The following NEK10 variants were observed in gnomAD, a reference collection of about 807,000 sequenced individuals.
NEK10 encodes NIMA related kinase 10.
In NEK10, 122 loss-of-function variants were observed where a neutral mutation model predicts 159.8. The observed-to-expected ratio is 0.76, with a 90% CI of 0.66 to 0.89. The LOEUF is 0.89. Ranked by LOEUF, NEK10 falls within the 40% of genes least tolerant of loss-of-function variation. The pLI is 0.00. For synonymous variants in NEK10, 466 were observed against 457.1 expected, an observed-to-expected ratio of 1.02 and a Z score of -0.25; for missense variants, 1,342 against 1,323.1, an observed-to-expected ratio of 1.01 and a Z score of -0.22.
intron 22 of NEK10, among the ~76,000 whole-genome samples, chr3:27,274,516 T>TTGTTTCTG (rs2041618307): frequency 6.6e-6 from 1 of 152,128 alleles, no homozygotes; most frequent in Non-Finnish European, 1.5e-5. Context: ...TGTTTCTGGT[T>TTGTTTCTG]ATTCAGTTGG....
intron 20 of NEK10, among the ~76,000 whole-genome samples, chr3:27,286,181 G>A (rs1305360870): frequency 6.8e-6 from 1 of 147,526 alleles, no homozygotes; most frequent in Non-Finnish European, 1.5e-5. Flanking sequence ...TGCCTCTGGG[G>A]TTCACGCCAT....
chr3:27,180,857 C>T (rs981193451), intron 26 of NEK10, among the ~76,000 whole-genome samples: 5 of 152,076 alleles, frequency 3.3e-5, no homozygotes, highest in Admixed American at 2.6e-4. Flanking sequence ...TCCTACTCAG[C>T]GGCCACCTAT....
intron 30 of NEK10, among the ~76,000 whole-genome samples, chr3:27,152,014 A>C (rs1409568309): frequency 6.6e-6 from 1 of 152,182 alleles, no homozygotes; most frequent in African/African-American, 2.4e-5. Context: ...ACCCAATACC[A>C]AGAATAATTG....
chr3:27,348,932 A>G (rs1286643824), intron 3 of NEK10, among the ~76,000 whole-genome samples: 1 of 152,086 alleles, frequency 6.6e-6, no homozygotes, highest in Non-Finnish European at 1.5e-5. Context: ...CTGCTAAACC[A>G]CCTTCAGAAA....
chr3:27,201,118 C>G (rs1950005607), intron 25 of NEK10, among the ~76,000 whole-genome samples: 1 of 152,144 alleles, frequency 6.6e-6, no homozygotes, highest in Non-Finnish European at 1.5e-5. Flanking sequence ...GTACCTGCAA[C>G]TTTATCATCT....
chr3:27,244,563 GA>G (rs1954874240), intron 23 of NEK10, among the ~76,000 whole-genome samples: 1 of 152,150 alleles, frequency 6.6e-6, no homozygotes, highest in Non-Finnish European at 1.5e-5. Flanking sequence ...CATGGGCCAC[GA>G]GTAGGCAGTA....
At chr3:27,177,597 G>A (rs1947651273) in intron 26 of NEK10, among the ~76,000 whole-genome samples, 1 of 151,416 alleles carries the variant, frequency 6.6e-6, no homozygotes, top group Non-Finnish European at 1.5e-5. Flanking sequence ...AGCAGTTTTT[G>A]CTTCAAAAAA....
At chr3:27,300,616 T>C (rs568593998) in intron 13 of NEK10, among the ~76,000 whole-genome samples, 17 of 152,290 alleles carry the variant, frequency 1.1e-4, no homozygotes, top group African/African-American at 4.1e-4. Flanking sequence ...TTTCCAGTTC[T>C]CAAAGGCTCC....
intron 23 of NEK10, among the ~76,000 whole-genome samples, chr3:27,221,953 G>A (rs1368874190): frequency 3.9e-5 from 6 of 152,122 alleles, no homozygotes; most frequent in Non-Finnish European, 8.8e-5. Flanking sequence ...TACATACATC[G>A]TAAAAGTATA....
intron 29 of NEK10, among the ~76,000 whole-genome samples, chr3:27,166,201 G>A (rs1057262719): frequency 2.0e-5 from 3 of 152,160 alleles, no homozygotes; most frequent in Admixed American, 6.5e-5. Context: ...ACATTATGTA[G>A]CTTTGAGCTC....
chr3:27,204,004 A>G (rs979199441), intron 23 of NEK10, among the ~76,000 whole-genome samples: 1 of 152,176 alleles, frequency 6.6e-6, no homozygotes, highest in African/African-American at 2.4e-5. Flanking sequence ...ATGTTAAAAA[A>G]AAAATGCTTT....
intron 22 of NEK10, among the ~76,000 whole-genome samples, chr3:27,264,166 C>T (rs891471102): frequency 6.6e-6 from 1 of 152,008 alleles, no homozygotes; most frequent in Non-Finnish European, 1.5e-5. Context: ...AAGACACTGC[C>T]AATATAGAAA....
At chr3:27,333,121 G>GTAAGGAAGCCTGCT (rs2046543030) in intron 5 of NEK10, among the ~76,000 whole-genome samples, 2 of 152,286 alleles carry the variant, frequency 1.3e-5, no homozygotes, top group South Asian at 4.1e-4. Flanking sequence ...GGAGAAGGAA[G>GTAAGGAAGCCTGCT]TAAGGAAGCC....
At chr3:27,350,706 G>A (rs1399028369) in intron 3 of NEK10, among the ~76,000 whole-genome samples, 1 of 152,042 alleles carries the variant, frequency 6.6e-6, no homozygotes, top group African/African-American at 2.4e-5. Context: ...ATTGGTTAAA[G>A]GGGGAAAAAA....
At chr3:27,156,788 A>G (rs896090951) in intron 30 of NEK10, among the ~76,000 whole-genome samples, 1 of 151,370 alleles carries the variant, frequency 6.6e-6, no homozygotes, top group African/African-American at 2.4e-5. Flanking sequence ...CAATCCCACT[A>G]CTGGGTATCT....
intron 23 of NEK10, among the ~76,000 whole-genome samples, chr3:27,213,544 C>T (rs1050284226): frequency 6.6e-6 from 1 of 152,146 alleles, no homozygotes; most frequent in Non-Finnish European, 1.5e-5. Flanking sequence ...TTAAGCCCCT[C>T]GACCGAATCC....
At chr3:27,190,236 CTTT>C (rs987683428) in intron 26 of NEK10, among the ~76,000 whole-genome samples, 120 of 152,276 alleles carry the variant, frequency 7.9e-4, no homozygotes, top group African/African-American at 2.3e-3. Context: ...GGTTTCAGAG[CTTT>C]CCCTTTATTT....
At chr3:27,237,838 G>T (rs964021035) in intron 23 of NEK10, among the ~76,000 whole-genome samples, 1 of 152,014 alleles carries the variant, frequency 6.6e-6, no homozygotes, top group African/African-American at 2.4e-5. Context: ...GAAAATGGTG[G>T]GCATCAAATC....
At chr3:27,204,471 C>T (rs1211915995) in intron 23 of NEK10, among the ~76,000 whole-genome samples, 126 of 98,476 alleles carry the variant, frequency 1.3e-3, no homozygotes, top group African/African-American at 4.7e-3. Flanking sequence ...CCCCCCACCC[C>T]ACCACAGTCC....
Sources: allele counts gnomAD v4.1 joint callset (sites outside exome capture counted in the v4.1 genomes callset), GRCh38; gene constraint gnomAD v4.1.1; transcripts MANE v1.5; gene names NCBI Gene and HGNC (gene_info 2026-07-23, HGNC 2026-07-21).